Variants in TMEM114 observed in about 807,000 individuals in gnomAD.
The protein encoded by TMEM114 is transmembrane protein 114, also known as claudin-26.
Under a neutral mutation model 6.2 loss-of-function variants are expected in TMEM114, and 6 were observed. The observed-to-expected ratio is 0.97, with a 90% CI of 0.53 to 1.91. The LOEUF (loss-of-function observed/expected upper bound fraction) is 1.91. Among genes scored for constraint, TMEM114 ranks in the 40% most tolerant of loss-of-function variants. TMEM114 has a pLI of 0.01. For missense variants in TMEM114, 218 were observed against 158.3 expected (o/e 1.38, Z -2.02); for synonymous variants, 104 against 73.0 (o/e 1.42, Z -2.16).
At chr16:8,536,362 C>T (rs1419005707), downstream of TMEM114, among the ~76,000 whole-genome samples, 1 of 152,154 alleles carries the variant, frequency 6.6e-6, no homozygotes, top group Admixed American at 6.5e-5. Context: ...TTGTACATAG[C>T]TAACTTCACC....
downstream of TMEM114, among the ~76,000 whole-genome samples, chr16:8,567,876 GT>G (rs1295024156): frequency 1.3e-5 from 2 of 152,146 alleles, no homozygotes; most frequent in African/African-American, 4.8e-5. Flanking sequence ...CAAAAACTTT[GT>G]TTTCCCCAGC....
intron 2 of TMEM114, among the ~76,000 whole-genome samples, chr16:8,553,923 G>A (rs1428643799): frequency 6.6e-6 from 1 of 151,204 alleles, no homozygotes; most frequent in East Asian, 1.9e-4. Flanking sequence ...CAGTCACCCA[G>A]GCTAGAGTAC....
intron 2 of TMEM114, among the ~76,000 whole-genome samples, chr16:8,552,048 G>A (rs150088033): frequency 3.5e-4 from 54 of 152,200 alleles, no homozygotes; most frequent in African/African-American, 1.3e-3. Context: ...CAAAGCTAGA[G>A]GACAGAGGAG....
At chr16:8,582,467 G>T (rs1221388047) in intron 2 of TMEM114, among the ~76,000 whole-genome samples, 4 of 152,188 alleles carry the variant, frequency 2.6e-5, no homozygotes, top group Non-Finnish European at 5.9e-5. Context: ...GGCAATGTTG[G>T]ATAGCAGGAC....
chr16:8,529,534 G>A, the TMEM114 span, among the ~76,000 whole-genome samples: 3 of 152,116 alleles, frequency 2.0e-5, no homozygotes, highest in Admixed American at 6.5e-5. Context: ...TGTCATCTGG[G>A]TTGTTTGTTT....
chr16:8,544,998 G>T (rs1032319566), intron 2 of TMEM114, among the ~76,000 whole-genome samples: 1 of 151,748 alleles, frequency 6.6e-6, no homozygotes, highest in Non-Finnish European at 1.5e-5. Context: ...TTGAAATGCA[G>T]TTTCCACAGT....
intron 2 of TMEM114, among the ~76,000 whole-genome samples, chr16:8,554,259 G>T (rs926063734): frequency 1.1e-4 from 16 of 151,258 alleles, no homozygotes; most frequent in Non-Finnish European, 1.9e-4. Context: ...TGATTTCAGG[G>T]AAAAAAAGGG....
downstream of TMEM114, among the ~76,000 whole-genome samples, chr16:8,566,167 G>A (rs186331723): frequency 1.1e-3 from 173 of 152,236 alleles, 1 homozygote; most frequent in African/African-American, 4.0e-3. Context: ...TCAGGAGATC[G>A]AGACCATCCT....
At chr16:8,536,421 C>A (rs1900361776), downstream of TMEM114, among the ~76,000 whole-genome samples, 1 of 152,108 alleles carries the variant, frequency 6.6e-6, no homozygotes, top group Admixed American at 6.5e-5. Context: ...ACATCCTTGT[C>A]TCTAAAATGA....
At chr16:8,527,579 C>G in the TMEM114 span, among the ~76,000 whole-genome samples, 1 of 152,096 alleles carries the variant, frequency 6.6e-6, no homozygotes, top group African/African-American at 2.4e-5. Context: ...TGTTTTTAGC[C>G]AGACTGCATT....
At chr16:8,529,322 C>T in the TMEM114 span, among the ~76,000 whole-genome samples, 1 of 152,210 alleles carries the variant, frequency 6.6e-6, no homozygotes, top group Non-Finnish European at 1.5e-5. Flanking sequence ...TCCCCAAAGC[C>T]ATCTGAGACC....
At chr16:8,573,315 T>C (rs1052235861) in intron 2 of TMEM114, among the ~76,000 whole-genome samples, 1 of 152,202 alleles carries the variant, frequency 6.6e-6, no homozygotes, top group East Asian at 1.9e-4. Flanking sequence ...AGTCCCTGCA[T>C]TGAATGTATT....
chr16:8,570,170 C>T (rs1354235006), intron 3 of TMEM114, among the ~76,000 whole-genome samples, 165 bp from the exon 4 acceptor site: 1 of 152,192 alleles, frequency 6.6e-6, no homozygotes, highest in Non-Finnish European at 1.5e-5. Flanking sequence ...TGCATTCACC[C>T]CTGCTTCTCT....
Position 8,589,234 on chromosome 16 carries a change from C to T in TMEM114, c.280G>A (p.Glu94Lys). The T allele has an allele frequency of 5.0e-6, 2 of 398,950 alleles. No homozygotes were observed. The highest frequency in any genetic ancestry group is 6.3e-4 in the Middle Eastern group (1 of 1,588). The allele number at this position is 398,950 out of a possible 1,614,324, so 24.7% of individuals were successfully genotyped here. ...PFRLENVTVSESSRQLLTMHG... is the reference protein window; with the variant it reads ...PFRLENVTVSKSSRQLLTMHG... Reference sequence around the variant, plus strand: ...TCACTGAGAAGTTGCCGGCTCGATTCGCTGACTGTCACGTTCTCCAGCCTG... The same window carrying T: ...TCACTGAGAAGTTGCCGGCTCGATTTGCTGACTGTCACGTTCTCCAGCCTG... Residue 94 changes from glutamate (E) to lysine (K), a missense_variant, in exon 2 of 4, where the codon GAA (glutamate) becomes AAA (lysine). Coordinates refer to ENST00000620492, the MANE Select transcript of TMEM114 (RefSeq NM_001146336.2).
chr16:8,548,198 T>C (rs1900732424), intron 2 of TMEM114, among the ~76,000 whole-genome samples: 1 of 152,138 alleles, frequency 6.6e-6, no homozygotes, highest in African/African-American at 2.4e-5. Flanking sequence ...AGCAAGGGGC[T>C]TAGTTAGCCT....
intron 2 of TMEM114, among the ~76,000 whole-genome samples, chr16:8,546,313 C>T (rs974878612): frequency 1.3e-5 from 2 of 152,146 alleles, no homozygotes; most frequent in African/African-American, 4.8e-5. Context: ...TTCTAATTGT[C>T]ACCTGTCAGC....
chr16:8,531,753 T>C, the TMEM114 span, among the ~76,000 whole-genome samples: 2 of 152,208 alleles, frequency 1.3e-5, no homozygotes, highest in South Asian at 2.1e-4. Flanking sequence ...GAATCCTCAA[T>C]GAAATGATCA....
chr16:8,562,472 ATGAG>A lies in TMEM114; in HGVS notation n.213-24650_213-24647del, dbSNP rs759612749. Among the ~76,000 whole-genome samples, 145 of 135,928 alleles carry A rather than the reference ATGAG, an allele frequency of 1.1e-3. 1 individual carries two copies. Among genetic ancestry groups the A allele is most frequent in the African/African-American group, 3.5e-3 (125 of 35,524 alleles). 89.2% of individuals were successfully genotyped at this position (135,928 alleles called of 152,430 possible). On this transcript the variant is annotated intron_variant and non_coding_transcript_variant, in intron 2 of 2. Transcript: ENST00000623677. ...AATGAGTGAGTGAGGGAGGGAGGGA[ATGAG>A]TGAGTGAATGAGTATGTGAATGAGT...
chr16:8,541,683 A>C (rs536322248), intron 2 of TMEM114, among the ~76,000 whole-genome samples: 11 of 152,344 alleles, frequency 7.2e-5, no homozygotes, highest in African/African-American at 2.6e-4. Context: ...TGAGTGAGAA[A>C]CAGCAGTCTG....
Sources: gnomAD v4.1 joint callset for allele counts (sites outside exome capture counted in the v4.1 genomes callset) on GRCh38, gnomAD v4.1.1 for gene constraint, MANE v1.5 for transcripts, NCBI Gene and HGNC (gene_info 2026-07-23, HGNC 2026-07-21) for gene names.